The following DYSF variants were observed in gnomAD, a reference collection of about 807,000 sequenced individuals.
DYSF encodes the protein dysferlin.
Under a neutral mutation model 274.9 loss-of-function variants are expected in DYSF, and 212 were observed. That is an observed-to-expected ratio of 0.77 (90% confidence interval 0.69 to 0.86). The LOEUF (loss-of-function observed/expected upper bound fraction) is 0.86. DYSF is among the 40% of genes least tolerant of loss of function. The pLI, the probability that DYSF is intolerant of heterozygous loss-of-function variation, is 0.00. For synonymous variants in DYSF, 1,091 were observed against 1,078.7 expected (o/e 1.01, Z -0.22); for missense variants, 2,666 against 2,783.2 (o/e 0.96, Z 0.95).
intron 24 of DYSF, among the ~76,000 whole-genome samples, chr2:71,565,844 C>T (rs544154552): frequency 6.6e-6 from 1 of 152,332 alleles, no homozygotes; most frequent in East Asian, 1.9e-4. Context: ...ATGGGTCTTG[C>T]TGGAACTAAG....
chr2:71,635,779 AAAAG>A (rs1558685582), intron 41 of DYSF, among the ~76,000 whole-genome samples: 2 of 123,204 alleles, frequency 1.6e-5, no homozygotes, highest in South Asian at 2.4e-4. Context: ...AGAAAAAAGA[AAAAG>A]AAAAAAGATG....
chr2:71,542,186 T>C (rs761713687), intron 17 of DYSF, among the ~76,000 whole-genome samples: 2 of 152,190 alleles, frequency 1.3e-5, no homozygotes, highest in Admixed American at 6.5e-5. Flanking sequence ...GTAAAAATCA[T>C]GAGGTTATAA....
Position 71,659,032 on chromosome 2 carries a change from A to T in DYSF, c.4910A>T (p.Lys1637Met). Residue 1637 changes from lysine (K) to methionine (M), a missense_variant and splice_region_variant, in exon 44 of 56, where the codon AAG (lysine) becomes ATG (methionine). Lys to Met is a moderately conservative substitution (Grantham distance 95, BLOSUM62 -1). This residue lies in a region of DYSF where 1,460 missense variants were observed against 1,502.1 expected (regional missense o/e 0.97). Transcript: ENST00000410020. ...FGLQPKDPNG[K>M]CDPYIKISIG... ...CTGCAGCCCAAGGACCCCAATGGAA[A>T]GGTAACTTTCCTAGAGCCCTCACCT... The T allele has an allele frequency of 6.2e-7, 1 of 1,614,114 alleles. No individual in the cohort carries two copies. The highest frequency in any genetic ancestry group is 8.5e-7 in the Non-Finnish European group (1 of 1,179,994).
At chr2:71,672,831 G>C (rs73942369) in intron 51 of DYSF, among the ~76,000 whole-genome samples, 9,694 of 152,328 alleles carry the variant, frequency 0.064, 989 homozygotes, top group African/African-American at 0.22. Context: ...CCCGGAAAAG[G>C]GGGGAGGCAC....
chr2:71,644,467 G>A (rs1301159162), intron 42 of DYSF, among the ~76,000 whole-genome samples: 1 of 152,136 alleles, frequency 6.6e-6, no homozygotes, highest in Non-Finnish European at 1.5e-5. Context: ...GGGATTTGTT[G>A]TCCTATCCCA....
intron 3 of DYSF, among the ~76,000 whole-genome samples, chr2:71,492,412 C>G (rs938878147): frequency 1.3e-5 from 2 of 152,196 alleles, no homozygotes; most frequent in Non-Finnish European, 2.9e-5. Context: ...TTTCCTGTCA[C>G]CTGGCTCATT....
At chr2:71,581,223 C>T (rs1374698434) in intron 30 of DYSF, among the ~76,000 whole-genome samples, 26 of 152,212 alleles carry the variant, frequency 1.7e-4, no homozygotes, top group Admixed American at 1.4e-3. Context: ...CATACACGCT[C>T]GCGCCAGCCC....
chr2:71,585,728 G>A (rs1349773446), intron 30 of DYSF, among the ~76,000 whole-genome samples: 1 of 152,152 alleles, frequency 6.6e-6, no homozygotes, highest in Admixed American at 6.5e-5. Flanking sequence ...ATGATGTGTT[G>A]AGCACCTGCT....
Position 71,570,235 on chromosome 2 carries a change from G to C in DYSF, c.2986G>C (p.Glu996Gln), listed in dbSNP as rs2092340623. The change falls in exon 28 of 56, where the codon GAG (glutamate) becomes CAG (glutamine). Residue 996 changes from glutamate (E) to glutamine (Q), a missense_variant. Glu to Gln is a conservative substitution (Grantham distance 29). Coordinates refer to ENST00000410020, the MANE Select transcript of DYSF (RefSeq NM_001130987.2). Reference protein sequence around the residue: ...MSDNYTDVNGEKVLPKDDIEC... With the variant: ...MSDNYTDVNGQKVLPKDDIEC... ...TGTTCGGTTTTGTCCTTAGAACGGG[G>C]AGAAGGTGCTTCCCAAGGATGACAT... 1 of 1,614,106 alleles carries C rather than the reference G, an allele frequency of 6.2e-7. No homozygotes were observed. Among genetic ancestry groups the C allele is most frequent in the Non-Finnish European group, 8.5e-7 (1 of 1,179,966 alleles).
At chr2:71,564,455 T>G (rs1383945407) in intron 24 of DYSF, among the ~76,000 whole-genome samples, 1 of 151,864 alleles carries the variant, frequency 6.6e-6, no homozygotes, top group East Asian at 1.9e-4. Context: ...GCGCTGGGAG[T>G]GAATGAGGTG....
At chr2:71,466,577 C>G, upstream of DYSF, 1 of 1,118,962 alleles carries the variant, frequency 8.9e-7, no homozygotes, top group Non-Finnish European at 1.1e-6. Flanking sequence ...CACAGGCGCC[C>G]GTCTGACCCC....
chr2:71,531,504 T>C (rs1443866735), intron 14 of DYSF, among the ~76,000 whole-genome samples: 1 of 151,850 alleles, frequency 6.6e-6, no homozygotes, highest in Non-Finnish European at 1.5e-5. Context: ...AAACATGACA[T>C]GTCCATGATC....
chr2:71,551,130 C>T lies in DYSF; in HGVS notation c.1666C>T (p.Pro556Ser). The T allele has an allele frequency of 6.2e-7, 1 of 1,614,126 alleles. No homozygotes were observed. Among genetic ancestry groups the T allele is most frequent in the South Asian group, 1.1e-5 (1 of 91,080 alleles). Reference protein sequence around the residue: ...SPREFTGFPDPYTELNTGKGE... With the variant: ...SPREFTGFPDSYTELNTGKGE... ...CAGAGAGTTCACAGGCTTCCCAGAC[C>T]CCTACACAGAGCTCAACACAGGCAA... The change falls in exon 18 of 56, where the codon CCC becomes TCC. Residue 556 changes from proline (P) to serine (S), a missense_variant. Transcript: ENST00000410020.
At chr2:71,457,393 G>A (rs964355594) in intron 1 of DYSF, among the ~76,000 whole-genome samples, 1 of 152,124 alleles carries the variant, frequency 6.6e-6, no homozygotes, top group African/African-American at 2.4e-5. Flanking sequence ...TTGAGTCTAA[G>A]TATCTGGCTC....
intron 16 of DYSF, among the ~76,000 whole-genome samples, chr2:71,536,418 G>A (rs1413296444): frequency 6.6e-6 from 1 of 152,232 alleles, no homozygotes; most frequent in East Asian, 1.9e-4. Flanking sequence ...AGGCCGCAAG[G>A]GCAGCGACCA....
rs187561268 is a variant in DYSF, at chr2:71,671,678, C to T, written c.5784+1932C>T. On this transcript the variant is annotated intron_variant, in intron 51 of 55. Transcript: ENST00000410020. Reference sequence around the variant, plus strand: ...TATGAGTGACAGTGAGGGAGGGACACAGAGAGATGGGGAGGGAATGTGACT... The same window carrying T: ...TATGAGTGACAGTGAGGGAGGGACATAGAGAGATGGGGAGGGAATGTGACT... Among the ~76,000 whole-genome samples, 14 of 152,274 alleles carry T rather than the reference C, an allele frequency of 9.2e-5. No individual in the cohort carries two copies. In the East Asian group the frequency reaches 1.9e-3, roughly 21 times the overall value.
intron 3 of DYSF, among the ~76,000 whole-genome samples, chr2:71,491,000 A>C (rs932501783): frequency 2.0e-5 from 3 of 152,200 alleles, no homozygotes; most frequent in African/African-American, 7.2e-5. Flanking sequence ...AAAGGGTATA[A>C]GCAAATAACA....
rs554800123 is a variant in DYSF at position 71,589,650 on chromosome 2, G to A, written c.3460G>A (p.Gly1154Ser). The change falls in exon 31 of 56, where the codon GGT becomes AGT. Residue 1154 changes from glycine to serine, a missense_variant. By Grantham distance (56) the Gly-to-Ser change is moderately conservative. This residue lies in a region of DYSF where 1,460 missense variants were observed against 1,502.1 expected (regional missense o/e 0.97). Transcript: ENST00000410020. ...CATGTCCGTCTCCACCTTGAGCTTC[G>A]GTGTGAACAGACCCACGATTTCCTG... ...DSMSVSTLSF[G>S]VNRPTISCIF... 26 of 1,614,082 alleles carry A rather than the reference G, an allele frequency of 1.6e-5. No homozygotes were observed. The highest frequency in any genetic ancestry group is 1.5e-4 in the African/African-American group (11 of 75,006).
At chr2:71,490,040 A>G (rs1391493218) in intron 3 of DYSF, among the ~76,000 whole-genome samples, 5 of 152,208 alleles carry the variant, frequency 3.3e-5, no homozygotes, top group Non-Finnish European at 7.3e-5. Context: ...CAGGATCCAT[A>G]TAGATGCACT....
Sources: allele counts gnomAD v4.1 joint callset (sites outside exome capture counted in the v4.1 genomes callset), GRCh38; gene constraint gnomAD v4.1.1; regional missense constraint gnomAD v4.1.1; transcripts MANE v1.5; gene names NCBI Gene and HGNC (gene_info 2026-07-23, HGNC 2026-07-21).